Variants in CNBD1 observed in about 807,000 individuals in gnomAD.
The protein encoded by CNBD1 is cyclic nucleotide-binding domain-containing protein 1.
Under a neutral mutation model 54.4 loss-of-function variants are expected in CNBD1, and 71 were observed. The ratio of observed to expected loss-of-function variants is 1.30; its 90% CI spans 1.08 to 1.59. CNBD1 has a LOEUF of 1.59. Among genes scored for constraint, CNBD1 ranks in the 40% most tolerant of loss-of-function variants. CNBD1 has a pLI of 0.00. For synonymous variants in CNBD1, 182 were observed against 170.7 expected (o/e 1.07, Z -0.51); for missense variants, 659 against 518.0 (o/e 1.27, Z -2.64).
At chr8:87,158,456 T>C (rs2217536) in intron 4 of CNBD1, among the ~76,000 whole-genome samples, 68,428 of 152,048 alleles carry the variant, frequency 0.45, 15,814 homozygotes, top group Non-Finnish European at 0.5. Context: ...GAAAACTTGA[T>C]TTCTATCCAA....
intron 2 of CNBD1, among the ~76,000 whole-genome samples, chr8:87,396,366 G>A (rs979464834): frequency 2.6e-5 from 4 of 151,836 alleles, no homozygotes; most frequent in Non-Finnish European, 5.9e-5. Flanking sequence ...AAATTATTCT[G>A]ACTTGAAATG....
At chr8:87,278,962 C>G (rs906909227) in intron 6 of CNBD1, among the ~76,000 whole-genome samples, 8 of 151,258 alleles carry the variant, frequency 5.3e-5, no homozygotes, top group African/African-American at 1.7e-4. Context: ...GTTTCAGTAA[C>G]CTGAGGTCAA....
chr8:87,418,476 A>C (rs962549831), intron 2 of CNBD1, among the ~76,000 whole-genome samples: 1 of 152,032 alleles, frequency 6.6e-6, no homozygotes, highest in Non-Finnish European at 1.5e-5. Flanking sequence ...TATAACACTT[A>C]AAGCACAAAC....
chr8:87,426,633 A>G (rs989660149), intron 2 of CNBD1, among the ~76,000 whole-genome samples: 5 of 152,220 alleles, frequency 3.3e-5, no homozygotes, highest in African/African-American at 1.2e-4. Flanking sequence ...AATTTTCCTG[A>G]GACATCAATT....
chr8:87,266,141 A>G (rs547291211), intron 6 of CNBD1, among the ~76,000 whole-genome samples: 23 of 152,154 alleles, frequency 1.5e-4, no homozygotes, highest in Non-Finnish European at 2.9e-4. Flanking sequence ...TATCTTAAAG[A>G]TAAGTGTCCC....
intron 6 of CNBD1, among the ~76,000 whole-genome samples, chr8:87,258,822 G>T (rs1808072871): frequency 6.6e-6 from 1 of 151,976 alleles, no homozygotes; most frequent in Admixed American, 6.6e-5. Context: ...ACCCTGTTGT[G>T]CTTTTATTTA....
intron 4 of CNBD1, among the ~76,000 whole-genome samples, chr8:86,947,614 C>G (rs1807498331): frequency 6.6e-6 from 1 of 151,902 alleles, no homozygotes; most frequent in South Asian, 2.1e-4. Context: ...CTACTTTTCA[C>G]TTTTTATTTT....
chr8:87,229,296 G>T (rs61080062), intron 5 of CNBD1, among the ~76,000 whole-genome samples: 4,830 of 150,046 alleles, frequency 0.032, 241 homozygotes, highest in African/African-American at 0.11. Context: ...TTAAATGCTG[G>T]TTTTTTTTTT....
chr8:87,425,426 T>C (rs1486395462), intron 2 of CNBD1, among the ~76,000 whole-genome samples: 2 of 152,248 alleles, frequency 1.3e-5, no homozygotes, highest in Non-Finnish European at 2.9e-5. Context: ...TTTTCTGTTC[T>C]GTTTTTTCTC....
chr8:87,194,892 T>C (rs1290576660), intron 4 of CNBD1, among the ~76,000 whole-genome samples: 20 of 152,176 alleles, frequency 1.3e-4, no homozygotes, highest in Admixed American at 1.3e-3. Flanking sequence ...GTTTGTTTGT[T>C]TGTTTTGTTG....
rs1009419480 is a variant in CNBD1 at position 87,240,236 on chromosome 8, A to C, written c.771+3124A>C. On this transcript the variant is annotated intron_variant, in intron 6 of 10. Transcript: ENST00000518476. ...TAAATTTAGCAAAATTATAAAAGCAAATTATTAAGTTGAAGATTCTCAATA... is the reference window on the plus strand; with the variant it reads ...TAAATTTAGCAAAATTATAAAAGCACATTATTAAGTTGAAGATTCTCAATA... Among the ~76,000 whole-genome samples the C allele has an allele frequency of 3.3e-5, 5 of 152,138 alleles. No individual in the cohort carries two copies. In the South Asian group the frequency reaches 1.0e-3, roughly 31 times the overall value.
intron 4 of CNBD1, among the ~76,000 whole-genome samples, chr8:86,995,807 A>G (rs773340538): frequency 1.3e-5 from 2 of 152,076 alleles, no homozygotes; most frequent in Non-Finnish European, 2.9e-5. Context: ...AAGACATTGG[A>G]CTTAACTGAA....
chr8:87,092,405 GTA>G (rs1354495213), intron 4 of CNBD1, among the ~76,000 whole-genome samples: 2 of 144,448 alleles, frequency 1.4e-5, no homozygotes, highest in South Asian at 2.2e-4. Flanking sequence ...GTGTGTGTGT[GTA>G]TATGTGTGTG....
chr8:87,274,241 G>T (rs912811930), intron 6 of CNBD1, among the ~76,000 whole-genome samples: 8 of 150,656 alleles, frequency 5.3e-5, no homozygotes, highest in Non-Finnish European at 7.4e-5. Flanking sequence ...ACGTGTGCAT[G>T]TGTCTTTATA....
At chr8:87,391,849 A>G (rs529629559) in intron 2 of CNBD1, among the ~76,000 whole-genome samples, 1 of 152,206 alleles carries the variant, frequency 6.6e-6, no homozygotes, top group East Asian at 1.9e-4. Context: ...TGGCCTTCAT[A>G]AAAATCAAAA....
chr8:87,026,931 C>A (rs7827547), intron 4 of CNBD1, among the ~76,000 whole-genome samples: 2,977 of 152,210 alleles, frequency 0.02, 79 homozygotes, highest in African/African-American at 0.068. Flanking sequence ...CCAGCAAAGA[C>A]AAACATAACA....
Position 87,195,565 on chromosome 8 carries a change from T to G in CNBD1, c.432-10428T>G, listed in dbSNP as rs191758244. ...TTTGATCCTCAGTTTAAATATTGTTTTTTTTTTTTTTTTAATTTTTATTTT... is the reference window on the plus strand; with the variant it reads ...TTTGATCCTCAGTTTAAATATTGTTGTTTTTTTTTTTTTAATTTTTATTTT... On this transcript the variant is annotated intron_variant, in intron 4 of 10. Transcript: ENST00000518476. Among the ~76,000 whole-genome samples the G allele has an allele frequency of 7.3e-3, 1,104 of 151,090 alleles. 12 individuals are homozygous for G. The highest frequency in any genetic ancestry group is 7.4e-3 in the Non-Finnish European group (502 of 67,744).
At chr8:87,029,832 C>G (rs187895978) in intron 4 of CNBD1, among the ~76,000 whole-genome samples, 1 of 152,114 alleles carries the variant, frequency 6.6e-6, no homozygotes, top group Non-Finnish European at 1.5e-5. Flanking sequence ...TTATAAGCTT[C>G]TGAGGTTTTG....
chr8:87,361,768 T>C (rs1011000947), intron 10 of CNBD1, among the ~76,000 whole-genome samples: 1 of 150,962 alleles, frequency 6.6e-6, no homozygotes, highest in East Asian at 1.9e-4. Flanking sequence ...AAACTACTTA[T>C]GTATCAATTG....
Sources: gnomAD v4.1 joint callset for allele counts (sites outside exome capture counted in the v4.1 genomes callset) on GRCh38, gnomAD v4.1.1 for gene constraint, MANE v1.5 for transcripts, NCBI Gene and HGNC (gene_info 2026-07-23, HGNC 2026-07-21) for gene names.